Variants in PCOLCE2 observed in about 807,000 individuals in gnomAD.
The protein encoded by PCOLCE2 is procollagen C-endopeptidase enhancer 2.
A neutral mutation model predicts 47.0 loss-of-function variants in PCOLCE2; 42 were observed. The observed-to-expected ratio is 0.89, with a 90% CI of 0.70 to 1.16. The LOEUF (loss-of-function observed/expected upper bound fraction) is 1.16, where lower values mean the gene tolerates loss of function less well. Among genes scored for constraint, PCOLCE2 ranks in the 50% most tolerant of loss-of-function variants. PCOLCE2 has a pLI of 0.00. For synonymous variants in PCOLCE2, 169 were observed against 191.7 expected (o/e 0.88, Z 0.98); for missense variants, 500 against 526.1 (o/e 0.95, Z 0.49).
At chr3:142,824,169 T>A (rs1358980266) in intron 6 of PCOLCE2, among the ~76,000 whole-genome samples, 1 of 152,220 alleles carries the variant, frequency 6.6e-6, no homozygotes, top group Non-Finnish European at 1.5e-5. Flanking sequence ...GCTATAAGAA[T>A]CTTAAGAACT....
intron 2 of PCOLCE2, among the ~76,000 whole-genome samples, chr3:142,874,441 CCCTTCA>C (rs1933459634): frequency 6.6e-6 from 1 of 152,184 alleles, no homozygotes; most frequent in Non-Finnish European, 1.5e-5. Context: ...GCCTTGTTTC[CCCTTCA>C]CCTTCCACCA....
intron 2 of PCOLCE2, 103 bp from the exon 3 acceptor site, chr3:142,848,575 A>C: frequency 6.6e-6 from 7 of 1,052,962 alleles, no homozygotes; most frequent in Non-Finnish European, 9.6e-6. Flanking sequence ...ATCCAAGATA[A>C]TGCTTTTTCC....
intron 2 of PCOLCE2, among the ~76,000 whole-genome samples, chr3:142,856,755 T>C (rs1190817263): frequency 6.6e-6 from 1 of 152,220 alleles, no homozygotes; most frequent in African/African-American, 2.4e-5. Context: ...GTCTTGCAGT[T>C]TTCCTTTGGC....
At chr3:142,864,529 T>C (rs1241594909) in intron 2 of PCOLCE2, 1 of 152,200 alleles carries the variant, frequency 6.6e-6, no homozygotes, top group Non-Finnish European at 1.5e-5. Flanking sequence ...TTACAAACCA[T>C]AATAACCCAC....
intron 2 of PCOLCE2, among the ~76,000 whole-genome samples, chr3:142,869,359 T>C (rs1933340611): frequency 6.6e-6 from 1 of 151,592 alleles, no homozygotes; most frequent in African/African-American, 2.4e-5. Flanking sequence ...CAATAAGATA[T>C]CAACATGACA....
intron 2 of PCOLCE2, among the ~76,000 whole-genome samples, chr3:142,866,329 T>C (rs1256908855): frequency 6.6e-6 from 1 of 152,112 alleles, no homozygotes; most frequent in East Asian, 1.9e-4. Context: ...AACTCCTGGC[T>C]CTCAGGCCTT....
chr3:142,823,089 A>G (rs1937033181), intron 7 of PCOLCE2, among the ~76,000 whole-genome samples: 1 of 152,194 alleles, frequency 6.6e-6, no homozygotes, highest in Admixed American at 6.5e-5. Context: ...TTACTTCAGT[A>G]CCTCAGAAAG....
intron 2 of PCOLCE2, among the ~76,000 whole-genome samples, chr3:142,877,812 A>G (rs1014559191): frequency 1.3e-5 from 2 of 152,118 alleles, no homozygotes; most frequent in South Asian, 2.1e-4. Flanking sequence ...CATCTCCCCA[A>G]TGAGTAAGAG....
At chr3:142,876,586 T>C (rs1266856936) in intron 2 of PCOLCE2, among the ~76,000 whole-genome samples, 1 of 152,208 alleles carries the variant, frequency 6.6e-6, no homozygotes, top group Non-Finnish European at 1.5e-5. Flanking sequence ...TCTCATGCAT[T>C]TACTACCAGT....
chr3:142,820,970 T>A lies in PCOLCE2; in HGVS notation c.1025A>T (p.Tyr342Phe). ...LHATVSIINI[Y>F]KEGNLAIQQA... Reference sequence around the variant, plus strand: ...CTGAATCGCCAAATTTCCCTCTTTGTAGATGTTGATGATCGAGACTGTGGC... The same window carrying A: ...CTGAATCGCCAAATTTCCCTCTTTGAAGATGTTGATGATCGAGACTGTGGC... Residue 342 changes from tyrosine to phenylalanine, a missense_variant, in exon 8 of 9, where the codon TAC (tyrosine) becomes TTC (phenylalanine). By Grantham distance (22) the Tyr-to-Phe change is conservative (BLOSUM62 3). Transcript: ENST00000295992. The A allele has an allele frequency of 6.2e-7, 1 of 1,614,038 alleles. No homozygotes were observed. The highest frequency in any genetic ancestry group is 8.5e-7 in the Non-Finnish European group (1 of 1,179,964).
chr3:142,873,419 T>C, intron 2 of PCOLCE2, among the ~76,000 whole-genome samples: 1 of 151,596 alleles, frequency 6.6e-6, no homozygotes. Flanking sequence ...AGAAAAAAAT[T>C]TTTTAAAGTT....
intron 4 of PCOLCE2, among the ~76,000 whole-genome samples, chr3:142,841,469 T>C (rs562309041): frequency 6.6e-6 from 1 of 152,344 alleles, no homozygotes; most frequent in African/African-American, 2.4e-5. Flanking sequence ...TGGTCAAATA[T>C]ATTTACAAAT....
At chr3:142,840,941 G>GGCGGGTTCCTGTAGTCCCAAACCAT (rs1937257673) in intron 4 of PCOLCE2, among the ~76,000 whole-genome samples, 2 of 152,052 alleles carry the variant, frequency 1.3e-5, no homozygotes, top group African/African-American at 4.8e-5. Context: ...CAGGCATGGT[G>GGCGGGTTCCTGTAGTCCCAAACCAT]GCGGGTTCCT....
chr3:142,842,857 T>C lies in PCOLCE2; in HGVS notation c.573+67A>G, dbSNP rs1477401804. On this transcript the variant is annotated intron_variant, in intron 4 of 8. Coordinates refer to ENST00000295992, the MANE Select transcript of PCOLCE2 (RefSeq NM_013363.4). The surrounding 1 kb of genome is among the most constrained non-coding windows in gnomAD (Gnocchi z 4.1). ...CCCCACAACAGGAGGCTCTTGAGAG[T>C]TGGTGGGCCCCCCACACTGGGCAAT... is the stretch of plus-strand genomic sequence containing the variant. The C allele has an allele frequency of 2.0e-6, 3 of 1,536,102 alleles. No individual in the cohort carries two copies. The highest frequency in any genetic ancestry group is 2.7e-6 in the Non-Finnish European group (3 of 1,116,442).
intron 2 of PCOLCE2, among the ~76,000 whole-genome samples, chr3:142,851,012 G>A (rs1932928172): frequency 6.6e-6 from 1 of 152,194 alleles, no homozygotes; most frequent in Non-Finnish European, 1.5e-5. Context: ...GGCCTTAGTA[G>A]GAGCAGGGAC....
intron 2 of PCOLCE2, among the ~76,000 whole-genome samples, chr3:142,866,582 C>CA (rs1476321671): frequency 2.0e-5 from 3 of 152,174 alleles, no homozygotes; most frequent in Non-Finnish European, 2.9e-5. Context: ...GTCTTTTCAA[C>CA]AAAAAATGTT....
At chr3:142,830,263 T>C (rs1560130903) in intron 5 of PCOLCE2, among the ~76,000 whole-genome samples, 1 of 152,180 alleles carries the variant, frequency 6.6e-6, no homozygotes, top group Admixed American at 6.5e-5. Flanking sequence ...TTTGCCTGAT[T>C]GGGAAAAGGC....
At chr3:142,829,525 AC>A (rs2108187671) in intron 6 of PCOLCE2, among the ~76,000 whole-genome samples, 166 bp downstream of exon 6, 1 of 152,252 alleles carries the variant, frequency 6.6e-6, no homozygotes, top group East Asian at 1.9e-4. Context: ...GCATTCTTAC[AC>A]CCCATACCTT....
chr3:142,822,064 T>C (rs375052219), intron 7 of PCOLCE2, among the ~76,000 whole-genome samples: 2 of 152,070 alleles, frequency 1.3e-5, no homozygotes, highest in East Asian at 1.9e-4. Flanking sequence ...ATTACAGGCA[T>C]GCACCACCAC....
Sources: gnomAD v4.1 joint callset for allele counts (sites outside exome capture counted in the v4.1 genomes callset) on GRCh38, gnomAD v4.1.1 for gene constraint, Gnocchi (gnomAD v3.1) non-coding constraint, MANE v1.5 for transcripts, NCBI Gene and HGNC (gene_info 2026-07-23, HGNC 2026-07-21) for gene names.